ZNF143: variants seen among roughly 807,000 people sequenced by gnomAD.
ZNF143 encodes SPH-binding factor.
In ZNF143, 49 loss-of-function variants were observed where a neutral mutation model predicts 74.1. That is an observed-to-expected ratio of 0.66 (90% CI 0.53 to 0.84). The LOEUF (loss-of-function observed/expected upper bound fraction) is 0.84. ZNF143 is among the 40% of genes least tolerant of loss of function. The pLI, the probability that ZNF143 is intolerant of heterozygous loss-of-function variation, is 0.00. For missense variants in ZNF143, 637 were observed against 793.4 expected, an observed-to-expected ratio of 0.80 and a Z score of 2.37; for synonymous variants, 304 against 282.8, an observed-to-expected ratio of 1.07 and a Z score of -0.75.
At chr11:9,462,260 C>CTT (rs67444530) in intron 1 of ZNF143, among the ~76,000 whole-genome samples, 5,853 of 144,318 alleles carry the variant, frequency 0.041, 380 homozygotes, top group African/African-American at 0.13. Context: ...ACTTGAGTGC[C>CTT]TTTTTTTTTT....
Position 9,527,504 on chromosome 11 carries a change from G to A in ZNF143, c.1834-26G>A, listed in dbSNP as rs116337481. 8.9e-4 allele frequency: 1,437 copies of A among 1,607,478 alleles called. 13 individuals carry two copies. In the African/African-American group the frequency reaches 0.017, roughly 20 times the overall value. On this transcript the variant is annotated intron_variant, in intron 15 of 15. Coordinates refer to ENST00000396602, the MANE Select transcript of ZNF143 (RefSeq NM_003442.6). Reference sequence around the variant, plus strand: ...TGACTGTGGCTTTTGAATTGTTAGCGTTTGATGTGTGTGTTCCTGTTTCAG... The same window carrying A: ...TGACTGTGGCTTTTGAATTGTTAGCATTTGATGTGTGTGTTCCTGTTTCAG...
At chr11:9,498,125 C>T (rs998026881) in intron 10 of ZNF143, among the ~76,000 whole-genome samples, 3 of 152,222 alleles carry the variant, frequency 2.0e-5, no homozygotes, top group Admixed American at 6.5e-5. Context: ...CCACCGCGCC[C>T]GGCCTAGGCC....
At position 9,508,858 on chromosome 11, in the gene ZNF143, G is replaced by A; in HGVS notation, c.1375+12G>A. The A allele has an allele frequency of 6.4e-7, 1 of 1,559,620 alleles. No individual in the cohort carries two copies. Among genetic ancestry groups the A allele is most frequent in the Non-Finnish European group, 8.7e-7 (1 of 1,150,968 alleles). ...TGAGCCGCCCCCAGGTGAGAGTTTT[G>A]TCTACTATATTTTGTTTCTGAGTTT... On this transcript the variant is annotated intron_variant, in intron 12 of 15. Transcript: ENST00000396602.
chr11:9,498,718 G>T (rs1402886591), intron 10 of ZNF143, among the ~76,000 whole-genome samples: 1 of 152,184 alleles, frequency 6.6e-6, no homozygotes, highest in Non-Finnish European at 1.5e-5. Flanking sequence ...ATTATAAGCT[G>T]TTGACTAAAT....
intron 2 of ZNF143, 78 bp downstream of exon 2, chr11:9,471,498 T>C: frequency 1.9e-6 from 2 of 1,070,598 alleles, no homozygotes; most frequent in Non-Finnish European, 2.6e-6. Flanking sequence ...ACTTCCTAGT[T>C]CCTGATTTAG....
Position 9,466,888 on chromosome 11 carries a change from T to TTGTG in ZNF143, c.-7-4400_-7-4397dup, listed in dbSNP as rs537245554. ...AATAGAGTAATACTCTGGTTTTTTT[T>TTGTG]TGTGTGTGTGTGTGTGTTTTTTTGA... On this transcript the variant is annotated intron_variant, in intron 1 of 15. Coordinates refer to ENST00000396602, the MANE Select transcript of ZNF143 (RefSeq NM_003442.6). 1.4e-3 allele frequency among the ~76,000 whole-genome samples: 217 copies of TTGTG among 151,516 alleles called. 2 individuals carry two copies. Among genetic ancestry groups the TTGTG allele is most frequent in the African/African-American group, 4.9e-3 (204 of 41,260 alleles).
At position 9,501,255 on chromosome 11, in the gene ZNF143, G is replaced by A. The variant is rs182779933; in HGVS notation, c.1132G>A (p.Val378Met). The change falls in exon 11 of 16, where the codon GTG (valine) becomes ATG (methionine). Residue 378 changes from valine to methionine, a missense_variant. Physicochemically the swap from Val to Met is conservative, Grantham distance 21 (BLOSUM62 1). This residue lies in a region of ZNF143 where 344 missense variants were observed against 485.6 expected (regional missense o/e 0.71). Transcript: ENST00000396602. ...FASATNYKNHVRIHTGEKPYV... is the reference protein window; with the variant it reads ...FASATNYKNHMRIHTGEKPYV... ...CAGTGCAACAAATTATAAAAACCAT[G>A]TGAGGATACACACAGGTAACAATCT... 20 of 1,614,124 alleles carry A rather than the reference G, an allele frequency of 1.2e-5. No individual in the cohort carries two copies. The Admixed American group carries it at 1.7e-4, about 13-fold the overall frequency.
intron 1 of ZNF143, among the ~76,000 whole-genome samples, chr11:9,467,101 C>T (rs777900270): frequency 2.6e-5 from 4 of 151,508 alleles, no homozygotes; most frequent in Non-Finnish European, 5.9e-5. Flanking sequence ...ACCGTGTTAG[C>T]CAGGATGCTC....
intron 6 of ZNF143, among the ~76,000 whole-genome samples, 165 bp downstream of exon 6, chr11:9,478,751 C>T (rs1366362374): frequency 6.6e-6 from 1 of 151,904 alleles, no homozygotes; most frequent in Non-Finnish European, 1.5e-5. Context: ...TTTGGGAGGC[C>T]AAAGTGGGAG....
chr11:9,495,639 T>C (rs560855712), intron 8 of ZNF143, among the ~76,000 whole-genome samples: 19 of 152,246 alleles, frequency 1.2e-4, no homozygotes, highest in Non-Finnish European at 2.5e-4. Context: ...GGGATGTTAG[T>C]TGACCTCTTA....
rs139281893 is a variant in ZNF143 at position 9,512,485 on chromosome 11, G to C, written c.1413G>C (p.Thr471=). 1 of 1,614,178 alleles carries C rather than the reference G, an allele frequency of 6.2e-7. No homozygotes were observed. The highest frequency in any genetic ancestry group is 8.5e-7 in the Non-Finnish European group (1 of 1,180,028). Residue 471 remains threonine, a synonymous_variant, in exon 13 of 16, where the codon ACG becomes ACC. Transcript: ENST00000396602. ...GEDVLKGSQI[T]YVTGVEGDDV... ...ATGTTCTTAAAGGGTCCCAGATTAC[G>C]TATGTTACAGGTGTAGAAGGGGACG...
At chr11:9,489,000 C>T (rs1205787014) in intron 7 of ZNF143, among the ~76,000 whole-genome samples, 2 of 152,158 alleles carry the variant, frequency 1.3e-5, no homozygotes, top group Non-Finnish European at 2.9e-5. Flanking sequence ...GGAATCCTAT[C>T]ACACCCAAAT....
intron 7 of ZNF143, among the ~76,000 whole-genome samples, chr11:9,480,200 C>A (rs729313): frequency 0.58 from 88,824 of 151,976 alleles, 26,510 homozygotes; most frequent in Non-Finnish European, 0.66. Context: ...CAAAGTAGTC[C>A]CAGGTGCATT....
intron 7 of ZNF143, among the ~76,000 whole-genome samples, chr11:9,493,071 CTTTT>C (rs148050807): frequency 7.3e-6 from 1 of 137,336 alleles, no homozygotes; most frequent in African/African-American, 2.7e-5. Flanking sequence ...ATTATGCCTA[CTTTT>C]TTTTTTTTTT....
At chr11:9,490,210 GA>G (rs1369582429) in intron 7 of ZNF143, among the ~76,000 whole-genome samples, 1 of 149,256 alleles carries the variant, frequency 6.7e-6, no homozygotes, top group African/African-American at 2.5e-5. Flanking sequence ...AAAAAATACT[GA>G]ATGGAAGTAG....
In ZNF143 at chr11:9,511,102, C is replaced by CTTTTT. The variant is rs777285359; in HGVS notation, c.1376-1325_1376-1321dup. Among the ~76,000 whole-genome samples the CTTTTT allele has an allele frequency of 2.9e-3, 204 of 70,780 alleles. 2 individuals are homozygous for CTTTTT. The highest frequency in any genetic ancestry group is 3.5e-3 in the African/African-American group (62 of 17,776). 46.4% of individuals were successfully genotyped at this position (70,780 alleles called of 152,430 possible). A position where few individuals can be genotyped will look rare whatever the true frequency, so the allele number is the denominator to read the frequency against. On this transcript the variant is annotated intron_variant, in intron 12 of 15. Transcript: ENST00000396602. Reference sequence around the variant, plus strand: ...TAGTCTTAACCACTTTTAACAGCTTCTTTTTTTTTTTTTTTTTTTTTTTTT... The same window carrying CTTTTT: ...TAGTCTTAACCACTTTTAACAGCTTCTTTTTTTTTTTTTTTTTTTTTTTTTTTTTT...
At chr11:9,512,727 G>A in intron 13 of ZNF143, 131 bp downstream of exon 13, 1 of 1,059,420 alleles carries the variant, frequency 9.4e-7, no homozygotes, top group Non-Finnish European at 1.4e-6. Context: ...AGGTTTTTCA[G>A]TAGTCTGCTT....
intron 14 of ZNF143, among the ~76,000 whole-genome samples, chr11:9,524,835 T>A (rs777374188): frequency 2.0e-5 from 3 of 151,974 alleles, no homozygotes; most frequent in Non-Finnish European, 4.4e-5. Flanking sequence ...ATACGACAAG[T>A]AAAGAGGAAA....
chr11:9,508,794 C>A lies in ZNF143; in HGVS notation c.1323C>A (p.Asn441Lys). ...TLAMHKRTAH[N>K]DTEPIEEEQE... is the part of the protein sequence containing the mutation. ...CCATGCACAAACGGACAGCCCACAA[C>A]GACACTGAGCCCATCGAGGAGGAGC... Residue 441 changes from asparagine to lysine, a missense_variant, in exon 12 of 16, where the codon AAC (asparagine) becomes AAA (lysine). Asn to Lys is a moderately conservative substitution (Grantham distance 94, BLOSUM62 0). Transcript: ENST00000396602. 1 of 1,609,466 alleles carries A rather than the reference C, an allele frequency of 6.2e-7. No individual in the cohort carries two copies. Among genetic ancestry groups the A allele is most frequent in the Non-Finnish European group, 8.5e-7 (1 of 1,177,622 alleles).
Sources: gnomAD v4.1 joint callset for allele counts (sites outside exome capture counted in the v4.1 genomes callset) on GRCh38, gnomAD v4.1.1 for gene constraint, gnomAD v4.1.1 regional missense constraint, MANE v1.5 for transcripts, NCBI Gene and HGNC (gene_info 2026-07-23, HGNC 2026-07-21) for gene names.